The following CACNA1H variants were observed in gnomAD, a reference collection of about 807,000 sequenced individuals.
The protein encoded by CACNA1H is voltage-dependent T-type calcium channel subunit alpha-1H.
CACNA1H carries 149 observed loss-of-function variants against 192.5 expected under a neutral mutation model. The observed-to-expected ratio is 0.77, with a 90% CI of 0.68 to 0.89. CACNA1H has a LOEUF of 0.89. Among genes scored for constraint, CACNA1H ranks in the 40% least tolerant of loss-of-function variants. CACNA1H has a pLI of 0.00. For missense variants in CACNA1H, 4,257 were observed against 3,423.5 expected (o/e 1.24, Z -6.08); for synonymous variants, 2,202 against 1,475.2 (o/e 1.49, Z -11.29).
At chr16:1,172,836 C>A (rs746738671) in intron 2 of CACNA1H, among the ~76,000 whole-genome samples, 2 of 152,098 alleles carry the variant, frequency 1.3e-5, no homozygotes, top group Non-Finnish European at 1.5e-5. Flanking sequence ...GGAGGACTCA[C>A]GGCTTTGCTC....
chr16:1,179,618 G>A (rs1280338661), intron 2 of CACNA1H, among the ~76,000 whole-genome samples: 2 of 151,620 alleles, frequency 1.3e-5, no homozygotes, highest in African/African-American at 2.4e-5. Flanking sequence ...TAGTAGAGAC[G>A]GGATTTTATC....
intron 2 of CACNA1H, among the ~76,000 whole-genome samples, chr16:1,184,495 G>T (rs146188812): frequency 6.6e-6 from 1 of 152,236 alleles, no homozygotes; most frequent in Non-Finnish European, 1.5e-5. Context: ...CTCGTTTCCC[G>T]GCCCTCACCC....
chr16:1,207,780 A>G lies in CACNA1H; in HGVS notation c.3074A>G (p.Asn1025Ser), dbSNP rs1968918224. ...CTTTGTTGGGTTTAGGGCGATGCCA[A>G]CAGATCCGACACGGACGAGGACAAG... is the stretch of plus-strand genomic sequence containing the variant. The part of the protein sequence containing the change: ...VEGFQAEGDA[N>S]RSDTDEDKTS... Residue 1025 changes from asparagine (N) to serine (S), a missense_variant, in exon 15 of 35, where the codon AAC (asparagine) becomes AGC (serine). Transcript: ENST00000348261. 6.3e-7 allele frequency: 1 copy of G among 1,598,240 alleles called. No homozygotes were observed. Among genetic ancestry groups the G allele is most frequent in the Non-Finnish European group, 8.5e-7 (1 of 1,172,902 alleles).
At chr16:1,155,466 C>T (rs569692808) in intron 2 of CACNA1H, among the ~76,000 whole-genome samples, 29 of 152,274 alleles carry the variant, frequency 1.9e-4, no homozygotes, top group Admixed American at 8.5e-4. Flanking sequence ...GGGGTTAGTC[C>T]GGCGGTGCCA....
chr16:1,212,794 C>T (rs547364086), intron 26 of CACNA1H, among the ~76,000 whole-genome samples: 16 of 152,372 alleles, frequency 1.1e-4, no homozygotes, highest in Non-Finnish European at 2.2e-4. Context: ...GCCGCCCACA[C>T]CCCTGCAGGC....
chr16:1,191,643 C>T (rs1966627833), intron 2 of CACNA1H, among the ~76,000 whole-genome samples: 1 of 74,776 alleles, frequency 1.3e-5, no homozygotes, highest in Non-Finnish European at 2.9e-5. Context: ...TGTGTGGCCT[C>T]AGGCACACTC....
chr16:1,166,788 C>T (rs747716255), intron 2 of CACNA1H, among the ~76,000 whole-genome samples: 4 of 152,198 alleles, frequency 2.6e-5, no homozygotes, highest in Non-Finnish European at 4.4e-5. Flanking sequence ...TTAGATGCGC[C>T]CTCATGTAGA....
At position 1,195,412 on chromosome 16, in the gene CACNA1H, C is replaced by T. The variant is rs1966871391; in HGVS notation, c.412-20C>T. The T allele has an allele frequency of 2.6e-6, 4 of 1,550,700 alleles. No individual in the cohort carries two copies. Among genetic ancestry groups the T allele is most frequent in the East Asian group, 2.4e-5 (1 of 40,918 alleles). ...TGAGCTGAGCTGTTCCACGGGCCCT[C>T]CTGATGCCTCCTCCCGCAGGCCTTT... On this transcript the variant is annotated intron_variant, in intron 3 of 34. Transcript: ENST00000348261.
Position 1,206,259 on chromosome 16 carries a change from C to G in CACNA1H, c.2759C>G (p.Thr920Arg). The change falls in exon 12 of 35, where the codon ACG becomes AGG. Residue 920 changes from threonine (T) to arginine (R), a missense_variant. Physicochemically the swap from Thr to Arg is moderately conservative, Grantham distance 71. Coordinates refer to ENST00000348261, the MANE Select transcript of CACNA1H (RefSeq NM_021098.3). ...ATGGACAACGTGGCTACCTTCTGCACGCTGCTCATGCTCTTCATTTTCATC... is the reference window on the plus strand; with the variant it reads ...ATGGACAACGTGGCTACCTTCTGCAGGCTGCTCATGCTCTTCATTTTCATC... ...KTMDNVATFC[T>R]LLMLFIFIFS... 1 of 1,574,576 alleles carries G rather than the reference C, an allele frequency of 6.4e-7. No homozygotes were observed. The highest frequency in any genetic ancestry group is 8.6e-7 in the Non-Finnish European group (1 of 1,161,166).
At chr16:1,182,692 G>A (rs1360327840) in intron 2 of CACNA1H, among the ~76,000 whole-genome samples, 11 of 152,130 alleles carry the variant, frequency 7.2e-5, no homozygotes, top group Admixed American at 7.2e-4. Flanking sequence ...GAGACTCAGA[G>A]CAGACTGGGG....
intron 33 of CACNA1H, 122 bp from the exon 34 acceptor site, chr16:1,218,848 C>T (rs1248358744): frequency 2.2e-5 from 19 of 878,566 alleles, no homozygotes; most frequent in East Asian, 1.9e-4. Flanking sequence ...AGAGAGAGGA[C>T]GGGTCGGGCT....
At chr16:1,162,479 A>G (rs1041590948) in intron 2 of CACNA1H, among the ~76,000 whole-genome samples, 1 of 152,186 alleles carries the variant, frequency 6.6e-6, no homozygotes, top group Non-Finnish European at 1.5e-5. Context: ...CACTGTTGTC[A>G]GGCTCCTCCG....
intron 34 of CACNA1H, 127 bp downstream of exon 34, chr16:1,219,257 G>T (rs926846134): frequency 3.2e-6 from 3 of 927,292 alleles, no homozygotes; most frequent in Non-Finnish European, 4.7e-6. Context: ...GGTCCTTGGG[G>T]CTCCGAAGGT....
chr16:1,154,645 C>A (rs1248305300), intron 2 of CACNA1H, among the ~76,000 whole-genome samples: 1 of 152,100 alleles, frequency 6.6e-6, no homozygotes, highest in Non-Finnish European at 1.5e-5. Context: ...AAGTCATGCG[C>A]AGCTGAAGGG....
chr16:1,199,899 T>G (rs765698764), intron 6 of CACNA1H, among the ~76,000 whole-genome samples: 1 of 152,094 alleles, frequency 6.6e-6, no homozygotes, highest in Non-Finnish European at 1.5e-5. Context: ...GAGCCTGGGT[T>G]TCTGGCTCTT....
intron 2 of CACNA1H, among the ~76,000 whole-genome samples, chr16:1,172,101 G>T (rs941971871): frequency 1.3e-5 from 2 of 152,172 alleles, no homozygotes; most frequent in Non-Finnish European, 2.9e-5. Flanking sequence ...AGACGTCACC[G>T]GGATGATGCT....
At chr16:1,190,637 AG>A (rs1425793428) in intron 2 of CACNA1H, among the ~76,000 whole-genome samples, 1 of 152,228 alleles carries the variant, frequency 6.6e-6, no homozygotes, top group Non-Finnish European at 1.5e-5. Context: ...CTGTCGTGAG[AG>A]GCCTCCTTGG....
intron 2 of CACNA1H, among the ~76,000 whole-genome samples, chr16:1,163,413 C>A (rs2151663822): frequency 6.6e-6 from 1 of 152,352 alleles, no homozygotes; most frequent in Non-Finnish European, 1.5e-5. Context: ...CTGGGAGTGT[C>A]CAGTGAGCTG....
chr16:1,188,942 G>A (rs542768561), intron 2 of CACNA1H, among the ~76,000 whole-genome samples: 181 of 152,350 alleles, frequency 1.2e-3, no homozygotes, highest in Non-Finnish European at 2.3e-3. Flanking sequence ...GCCCGCCAGG[G>A]GCTGGCATCT....
Sources: gnomAD v4.1 joint callset for allele counts (sites outside exome capture counted in the v4.1 genomes callset) on GRCh38, gnomAD v4.1.1 for gene constraint, MANE v1.5 for transcripts, NCBI Gene and HGNC (gene_info 2026-07-23, HGNC 2026-07-21) for gene names.